NCEH1: variants seen among roughly 807,000 people sequenced by gnomAD.
NCEH1 encodes the protein neutral cholesterol ester hydrolase 1, also known as 2-acetyl MAGE hydrolase.
A neutral mutation model predicts 25.4 loss-of-function variants in NCEH1; 9 were observed. The ratio of observed to expected loss-of-function variants is 0.35; its 90% CI spans 0.21 to 0.62. The LOEUF (loss-of-function observed/expected upper bound fraction) is 0.62, where lower values mean the gene tolerates loss of function less well. Ranked by LOEUF, NCEH1 falls within the 20% of genes least tolerant of loss-of-function variation. The pLI is 0.72. For missense variants in NCEH1, 412 were observed against 501.1 expected (o/e 0.82, Z 1.70); for synonymous variants, 200 against 199.8 (o/e 1.00, Z -0.01).
intron 1 of NCEH1, among the ~76,000 whole-genome samples, chr3:172,648,943 G>C (rs1262155863): frequency 1.3e-5 from 2 of 152,176 alleles, no homozygotes; most frequent in Non-Finnish European, 2.9e-5. Context: ...AGTTCATCAG[G>C]AAGGGGAACA....
intron 4 of NCEH1, among the ~76,000 whole-genome samples, chr3:172,634,411 T>A (rs1716513702): frequency 6.6e-6 from 1 of 152,194 alleles, no homozygotes; most frequent in Non-Finnish European, 1.5e-5. Context: ...TGAACCTTAT[T>A]TAATTTTTTA....
At chr3:172,694,285 C>T (rs191072857) in intron 1 of NCEH1, among the ~76,000 whole-genome samples, 10 of 152,266 alleles carry the variant, frequency 6.6e-5, no homozygotes. Context: ...GAAAAGGCTA[C>T]TAAGCCTGTG....
chr3:172,650,526 G>A (rs923369115), intron 1 of NCEH1, among the ~76,000 whole-genome samples: 1 of 151,780 alleles, frequency 6.6e-6, no homozygotes, highest in African/African-American at 2.4e-5. Context: ...GCGGGCGCCT[G>A]TAGTCCCAGC....
intron 1 of NCEH1, among the ~76,000 whole-genome samples, chr3:172,652,239 G>A (rs1387605892): frequency 1.3e-5 from 2 of 152,212 alleles, no homozygotes; most frequent in African/African-American, 4.8e-5. Context: ...CCCAGTGAAA[G>A]CATAAATGTA....
intron 1 of NCEH1, among the ~76,000 whole-genome samples, chr3:172,691,687 C>T (rs953935039): frequency 5.9e-5 from 9 of 152,334 alleles, no homozygotes; most frequent in East Asian, 1.9e-4. Context: ...CGGTGGCTCA[C>T]GCCTGTAATC....
chr3:172,670,351 A>G (rs1221284981), intron 1 of NCEH1, among the ~76,000 whole-genome samples: 1 of 152,254 alleles, frequency 6.6e-6, no homozygotes, highest in Non-Finnish European at 1.5e-5. Context: ...ACAATGAAAG[A>G]AAAAAGTTAC....
In NCEH1 at chr3:172,645,703, C is replaced by G; in HGVS notation, c.368-11G>C. On this transcript the variant is annotated splice_polypyrimidine_tract_variant and intron_variant, in intron 2 of 4. Coordinates refer to ENST00000475381, the MANE Select transcript of NCEH1 (RefSeq NM_020792.6). The stretch of plus-strand genomic sequence containing the variant: ...CATAATACCTGATTTCTAAAAGACA[C>G]AAAGGGAACAATCATTACAAAACAG... The G allele has an allele frequency of 6.4e-7, 1 of 1,552,278 alleles. No individual in the cohort carries two copies.
intron 1 of NCEH1, among the ~76,000 whole-genome samples, chr3:172,673,791 T>C (rs1383788451): frequency 6.6e-6 from 1 of 152,180 alleles, no homozygotes; most frequent in African/African-American, 2.4e-5. Flanking sequence ...TTAAAAGAAA[T>C]TAAACCTCAG....
intron 1 of NCEH1, among the ~76,000 whole-genome samples, chr3:172,650,317 A>AC (rs1417851387): frequency 6.6e-6 from 1 of 152,142 alleles, no homozygotes; most frequent in Non-Finnish European, 1.5e-5. Flanking sequence ...AGCCTGGCCA[A>AC]CATGGTGAGA....
chr3:172,659,481 CCAG>C (rs780447834), intron 1 of NCEH1, among the ~76,000 whole-genome samples: 15 of 152,182 alleles, frequency 9.9e-5, no homozygotes, highest in Non-Finnish European at 1.6e-4. Context: ...GCCTGTAGCA[CCAG>C]CTTGTCAGGG....
chr3:172,665,796 C>T (rs575057698), intron 1 of NCEH1, among the ~76,000 whole-genome samples: 10 of 152,242 alleles, frequency 6.6e-5, no homozygotes, highest in South Asian at 4.1e-4. Flanking sequence ...GAGCCATGCG[C>T]GGGATATAAT....
intron 3 of NCEH1, among the ~76,000 whole-genome samples, chr3:172,639,144 C>G (rs1471682286): frequency 6.6e-6 from 1 of 151,920 alleles, no homozygotes; most frequent in Non-Finnish European, 1.5e-5. Context: ...CCTAAAAATA[C>G]AAAAATTGCT....
intron 1 of NCEH1, chr3:172,680,872 G>A (rs1275081100): frequency 6.6e-6 from 1 of 152,098 alleles, no homozygotes; most frequent in Non-Finnish European, 1.5e-5. Flanking sequence ...ACGCTTAAAA[G>A]TGACTAAGGA....
chr3:172,691,519 G>A (rs1713036850), intron 1 of NCEH1, among the ~76,000 whole-genome samples: 1 of 152,310 alleles, frequency 6.6e-6, no homozygotes, highest in Non-Finnish European at 1.5e-5. Flanking sequence ...ACTTTTAGGA[G>A]TTGTGCACAC....
chr3:172,674,735 CA>C (rs1416707731), intron 1 of NCEH1, among the ~76,000 whole-genome samples: 6 of 152,160 alleles, frequency 3.9e-5, no homozygotes, highest in Non-Finnish European at 7.3e-5. Context: ...CTACTATTCG[CA>C]ATAGAACTAT....
At chr3:172,699,657 G>A (rs1029928418) in intron 1 of NCEH1, among the ~76,000 whole-genome samples, 8 of 152,152 alleles carry the variant, frequency 5.3e-5, no homozygotes, top group African/African-American at 1.9e-4. Flanking sequence ...TTGAGCCCAG[G>A]AGTTTAAGAC....
intron 1 of NCEH1, among the ~76,000 whole-genome samples, chr3:172,652,870 A>T (rs1577061490): frequency 1.4e-5 from 2 of 139,834 alleles, no homozygotes; most frequent in Middle Eastern, 3.9e-3. Flanking sequence ...TAATTTTTGT[A>T]TTTTTTTTTT....
At chr3:172,693,687 T>C (rs1176909327) in intron 1 of NCEH1, among the ~76,000 whole-genome samples, 1 of 152,196 alleles carries the variant, frequency 6.6e-6, no homozygotes, top group African/African-American at 2.4e-5. Context: ...ATACTATTTT[T>C]CTTTTCATCC....
chr3:172,710,996 T>G lies in NCEH1; in HGVS notation c.-12A>C, dbSNP rs1192525806. 6.2e-7 allele frequency: 1 copy of G among 1,613,644 alleles called. No individual in the cohort carries two copies. Among genetic ancestry groups the G allele is most frequent in the African/African-American group, 1.3e-5 (1 of 74,916 alleles). The stretch of plus-strand genomic sequence containing the variant: ...CAGGACGACCTCATCTTGCCCTGGC[T>G]CGGCTCGCCAGCGGGCTGGCAAAGA... On this transcript the variant is annotated 5_prime_UTR_variant, in exon 1 of 5. Transcript: ENST00000475381.
Sources: allele counts gnomAD v4.1 joint callset (sites outside exome capture counted in the v4.1 genomes callset), GRCh38; gene constraint gnomAD v4.1.1; transcripts MANE v1.5; gene names NCBI Gene and HGNC (gene_info 2026-07-23, HGNC 2026-07-21).